OR2T33: variants seen among roughly 807,000 people sequenced by gnomAD.
OR2T33 encodes olfactory receptor 2T33.
Under a neutral mutation model 14.0 loss-of-function variants are expected in OR2T33, and 10 were observed. The observed-to-expected ratio is 0.72, with a 90% CI of 0.44 to 1.22. The LOEUF (loss-of-function observed/expected upper bound fraction) is 1.22, where lower values mean the gene tolerates loss of function less well. Ranked by LOEUF, OR2T33 falls within the 50% of genes most tolerant of loss-of-function variation. The pLI is 0.00. For synonymous variants in OR2T33, 103 were observed against 159.4 expected (o/e 0.65, Z 2.66); for missense variants, 276 against 405.9 (o/e 0.68, Z 2.75).
chr1:248,274,237 C>CT (rs557485349), intron 1 of OR2T33, among the ~76,000 whole-genome samples: 12 of 152,132 alleles, frequency 7.9e-5, no homozygotes, highest in Non-Finnish European at 1.5e-4. Context: ...TTATATTCAA[C>CT]TTTTGGAAAC....
Position 248,271,842 on chromosome 1 carries a change from C to A in OR2T33, c.*1010G>T, listed in dbSNP as rs1242919893. ...TATCCAGTCTCTGGTTACAATTTGGCTTTGATAACCACAGCTTTCTGCCAT... is the reference window on the plus strand; with the variant it reads ...TATCCAGTCTCTGGTTACAATTTGGATTTGATAACCACAGCTTTCTGCCAT... On this transcript the variant is annotated 3_prime_UTR_variant, in exon 2 of 2. Coordinates refer to ENST00000641220, the MANE Select transcript of OR2T33 (RefSeq NM_001004695.2). 2.6e-5 allele frequency: 4 copies of A among 152,148 alleles called. No homozygotes were observed. The highest frequency in any genetic ancestry group is 1.9e-4 in the East Asian group (1 of 5,202). The allele number at this position is 152,148 out of a possible 1,614,324, so 9.4% of individuals were successfully genotyped here.
Position 248,271,781 on chromosome 1 carries a change from A to G in OR2T33, c.*1071T>C, listed in dbSNP as rs1390507916. Reference sequence around the variant, plus strand: ...TAAGTGTGTTTTACATACAGGAAATATAGCCTTTATCATAAAACTCTCTAA... The same window carrying G: ...TAAGTGTGTTTTACATACAGGAAATGTAGCCTTTATCATAAAACTCTCTAA... On this transcript the variant is annotated 3_prime_UTR_variant, in exon 2 of 2. Transcript: ENST00000641220. The G allele has an allele frequency of 6.6e-6, 1 of 152,226 alleles. No individual in the cohort carries two copies. The highest frequency in any genetic ancestry group is 2.4e-5 in the African/African-American group (1 of 41,458). 9.4% of individuals were successfully genotyped at this position (152,226 alleles called of 1,614,324 possible). A position where few individuals can be genotyped will look rare whatever the true frequency, so the allele number is the denominator to read the frequency against.
Position 248,272,484 on chromosome 1 carries a change from T to C in OR2T33, c.*368A>G, listed in dbSNP as rs979638074. On this transcript the variant is annotated 3_prime_UTR_variant, in exon 2 of 2. Coordinates refer to ENST00000641220, the MANE Select transcript of OR2T33 (RefSeq NM_001004695.2). ...TACATTATTGAACAGAAATAAACTA[T>C]TCCAGGTTAAGGAACAAGCTCTGGA... 12 of 201,386 alleles carry C rather than the reference T, an allele frequency of 6.0e-5. No individual in the cohort carries two copies. Among genetic ancestry groups the C allele is most frequent in the African/African-American group, 2.8e-4 (12 of 42,546 alleles). 12.5% of individuals were successfully genotyped at this position (201,386 alleles called of 1,614,324 possible). A position where few individuals can be genotyped will look rare whatever the true frequency, so the allele number is the denominator to read the frequency against.
In OR2T33 at chr1:248,270,061, C is replaced by T. The variant is rs1659349714; in HGVS notation, c.*2791G>A. ...TGGACTGGATTAAGATAATGTGGCA[C>T]ATATATACCATGGAATACTATGCAG... On this transcript the variant is annotated 3_prime_UTR_variant, in exon 2 of 2. Transcript: ENST00000641220. 6.6e-6 allele frequency: 1 copy of T among 152,118 alleles called. No homozygotes were observed. Among genetic ancestry groups the T allele is most frequent in the Admixed American group, 6.6e-5 (1 of 15,260 alleles). The allele number at this position is 152,118 out of a possible 1,614,324, so 9.4% of individuals were successfully genotyped here. A position where few individuals can be genotyped will look rare whatever the true frequency, so the allele number is the denominator to read the frequency against.
rs1659391896 is a variant in OR2T33, at chr1:248,272,923, C to T, written c.892G>A (p.Ala298Thr). ...YSVKNSEVKGALKRWLGTCVN... is the reference protein window; with the variant it reads ...YSVKNSEVKGTLKRWLGTCVN... ...CACGTCCCCAGCCACCGTTTCAGGG[C>T]TCCCTTCACCTCACTGTTCTTCACA... Residue 298 changes from alanine to threonine, a missense_variant, in exon 2 of 2, where the codon GCC (alanine) becomes ACC (threonine). Ala to Thr is a moderately conservative substitution (Grantham distance 58). Transcript: ENST00000641220. 1.9e-6 allele frequency: 3 copies of T among 1,614,038 alleles called. No homozygotes were observed. Among genetic ancestry groups the T allele is most frequent in the Non-Finnish European group, 2.5e-6 (3 of 1,180,044 alleles).
rs1190980890 is a variant in OR2T33 at position 248,275,095 on chromosome 1, A to G, written c.-8-1273T>C. On this transcript the variant is annotated intron_variant, in intron 1 of 1. Transcript: ENST00000641220. ...GCTAATTTCCCACTTTTATTCATAGAATATTCGCAAATGTCATGCCTTTGT... is the reference window on the plus strand; with the variant it reads ...GCTAATTTCCCACTTTTATTCATAGGATATTCGCAAATGTCATGCCTTTGT... Among the ~76,000 whole-genome samples, 7 of 152,338 alleles carry G rather than the reference A, an allele frequency of 4.6e-5. No homozygotes were observed. In the South Asian group the frequency reaches 8.3e-4, roughly 18 times the overall value.
rs759210535 is a variant in OR2T33 at position 248,273,350 on chromosome 1, G to A, written c.465C>T (p.Leu155=). The A allele has an allele frequency of 8.7e-6, 14 of 1,612,024 alleles. No individual in the cohort carries two copies. In the South Asian group the frequency reaches 1.3e-4, roughly 15 times the overall value. Residue 155 remains leucine, a synonymous_variant, in exon 2 of 2, where the codon CTC becomes CTT. Transcript: ENST00000641220. ...SCWLLGAADG[L]LQAVVTLSFP... is the part of the protein sequence containing the mutation. ...AGCTCAGGGTAACAACAGCCTGCAG[G>A]AGCCCGTCAGCTGCACCCAGGAGCC... is the stretch of plus-strand genomic sequence containing the variant.
Position 248,270,000 on chromosome 1 carries a change from C to G in OR2T33, c.*2852G>C, listed in dbSNP as rs1423988086. On this transcript the variant is annotated 3_prime_UTR_variant, in exon 2 of 2. Transcript: ENST00000641220. ...TTTATTGAGGCAGTATTCACAACAGCAAAGACTTGGAACCAACACAAATTT... is the reference window on the plus strand; with the variant it reads ...TTTATTGAGGCAGTATTCACAACAGGAAAGACTTGGAACCAACACAAATTT... 1 of 152,120 alleles carries G rather than the reference C, an allele frequency of 6.6e-6. No homozygotes were observed. 9.4% of individuals were successfully genotyped at this position (152,120 alleles called of 1,614,324 possible). A position where few individuals can be genotyped will look rare whatever the true frequency, so the allele number is the denominator to read the frequency against.
Position 248,271,088 on chromosome 1 carries a change from C to A in OR2T33, c.*1764G>T, listed in dbSNP as rs1338226589. The A allele has an allele frequency of 2.0e-5, 3 of 152,106 alleles. No individual in the cohort carries two copies. The highest frequency in any genetic ancestry group is 4.4e-5 in the Non-Finnish European group (3 of 68,020). 9.4% of individuals were successfully genotyped at this position (152,106 alleles called of 1,614,324 possible). A position where few individuals can be genotyped will look rare whatever the true frequency, so the allele number is the denominator to read the frequency against. ...ATTTTAAAATGACATAAAGATACCA[C>A]CACTAGAAGGGTTAAAATTAAAAAT... On this transcript the variant is annotated 3_prime_UTR_variant, in exon 2 of 2. Coordinates refer to ENST00000641220, the MANE Select transcript of OR2T33 (RefSeq NM_001004695.2).
intron 1 of OR2T33, among the ~76,000 whole-genome samples, chr1:248,274,094 A>T (rs1659422595): frequency 6.6e-6 from 1 of 152,140 alleles, no homozygotes; most frequent in Non-Finnish European, 1.5e-5. Context: ...AACTCTCAAG[A>T]ATTAGTGGTA....
chr1:248,275,503 A>G (rs1397256749), intron 1 of OR2T33, among the ~76,000 whole-genome samples: 2 of 152,182 alleles, frequency 1.3e-5, no homozygotes, highest in African/African-American at 4.8e-5. Flanking sequence ...ACAGGCTTCC[A>G]CTGCCTCCAT....
rs1659382398 is a variant in OR2T33 at position 248,272,334 on chromosome 1, G to T, written c.*518C>A. 1 of 152,514 alleles carries T rather than the reference G, an allele frequency of 6.6e-6. No homozygotes were observed. The highest frequency in any genetic ancestry group is 1.5e-5 in the Non-Finnish European group (1 of 68,348). The allele number at this position is 152,514 out of a possible 1,614,324, so 9.4% of individuals were successfully genotyped here. On this transcript the variant is annotated 3_prime_UTR_variant, in exon 2 of 2. Transcript: ENST00000641220. ...AATATAGCAGTTACATTTGAGTTGT[G>T]GACTTTCCCTTTTGTCATGCATCTA... is the stretch of plus-strand genomic sequence containing the variant.
rs773123240 is a variant in OR2T33 at position 248,273,339 on chromosome 1, A to G, written c.476T>C (p.Val159Ala). ...LGAADGLLQA[V>A]VTLSFPYCGA... ...ACAATATGGGAAGCTCAGGGTAACAACAGCCTGCAGGAGCCCGTCAGCTGC... is the reference window on the plus strand; with the variant it reads ...ACAATATGGGAAGCTCAGGGTAACAGCAGCCTGCAGGAGCCCGTCAGCTGC... Residue 159 changes from valine to alanine, a missense_variant, in exon 2 of 2, where the codon GTT (valine) becomes GCT (alanine). Val to Ala is a moderately conservative substitution (Grantham distance 64, BLOSUM62 0). Coordinates refer to ENST00000641220, the MANE Select transcript of OR2T33 (RefSeq NM_001004695.2). 2.5e-6 allele frequency: 4 copies of G among 1,612,016 alleles called. No homozygotes were observed. Among genetic ancestry groups the G allele is most frequent in the Non-Finnish European group, 3.4e-6 (4 of 1,179,874 alleles).
chr1:248,273,911 G>A (rs1572822185), intron 1 of OR2T33, 89 bp from the exon 2 acceptor site: 4 of 1,494,102 alleles, frequency 2.7e-6, no homozygotes, highest in East Asian at 2.3e-5. Context: ...CCGGACATAC[G>A]TACTGGGTAT....
At position 248,273,168 on chromosome 1, in the gene OR2T33, T is replaced by C. The variant is rs1300783273; in HGVS notation, c.647A>G (p.Tyr216Cys). Residue 216 changes from tyrosine (Y) to cysteine (C), a missense_variant, in exon 2 of 2, where the codon TAT (tyrosine) becomes TGT (cysteine). Transcript: ENST00000641220. The part of the protein sequence containing the change: ...LVPFSLILSS[Y>C]GLILAAVLHM... ...CAGAACAGCAGCGAGGATGAGACCA[T>C]AGGAGGACAGGATGAGGGAAAAGGG... is the stretch of plus-strand genomic sequence containing the variant. 8.1e-6 allele frequency: 13 copies of C among 1,609,468 alleles called. No individual in the cohort carries two copies. The highest frequency in any genetic ancestry group is 1.7e-5 in the Admixed American group (1 of 59,762).
In OR2T33 at chr1:248,272,874, T is replaced by C. The variant is rs1472726932; in HGVS notation, c.941A>G (p.Asn314Ser). 6.2e-7 allele frequency: 1 copy of C among 1,613,014 alleles called. No individual in the cohort carries two copies. The highest frequency in any genetic ancestry group is 8.5e-7 in the Non-Finnish European group (1 of 1,179,568). ...GTCVNIKHQQ[N>S]EAHRSR ...AGATCATCTTGACCTGTGGGCCTCA[T>C]TTTGCTGGTGTTTTATGTTTACACA... The change falls in exon 2 of 2, where the codon AAT becomes AGT. Residue 314 changes from asparagine to serine, a missense_variant. Coordinates refer to ENST00000641220, the MANE Select transcript of OR2T33 (RefSeq NM_001004695.2).
chr1:248,273,626 T>C lies in OR2T33; in HGVS notation c.189A>G (p.Gln63=), dbSNP rs766090101. 1.7e-5 allele frequency: 28 copies of C among 1,613,724 alleles called. No homozygotes were observed. The highest frequency in any genetic ancestry group is 2.3e-5 in the Non-Finnish European group (27 of 1,179,856). ...CCAGCATCATGTCCATGAGGGAAAG[T>C]TGGCTCAGGAGGAAGTACATGGGCG... ...LHTPMYFLLS[Q]LSLMDMMLVS... Residue 63 remains glutamine, a synonymous_variant, in exon 2 of 2, where the codon CAA becomes CAG. Transcript: ENST00000641220.
rs547815462 is a variant in OR2T33, at chr1:248,275,267, C to T, written c.-8-1445G>A. 1.3e-4 allele frequency among the ~76,000 whole-genome samples: 20 copies of T among 152,246 alleles called. No individual in the cohort carries two copies. The South Asian group carries it at 2.7e-3, about 21-fold the overall frequency. On this transcript the variant is annotated intron_variant, in intron 1 of 1. Transcript: ENST00000641220. ...AGACACAAACACACAGTAACACCAG[C>T]GTCTTTGAGATGGCTTATTTAAGCA... is the stretch of plus-strand genomic sequence containing the variant.
At position 248,270,797 on chromosome 1, in the gene OR2T33, C is replaced by A. The variant is rs1659360686; in HGVS notation, c.*2055G>T. On this transcript the variant is annotated 3_prime_UTR_variant, in exon 2 of 2. Coordinates refer to ENST00000641220, the MANE Select transcript of OR2T33 (RefSeq NM_001004695.2). ...AAACAAAATTATATATTGGACTTTA[C>A]AAAAATCAAAATCTCTGCTCTGAAA... The A allele has an allele frequency of 6.6e-6, 1 of 151,966 alleles. No individual in the cohort carries two copies. The highest frequency in any genetic ancestry group is 1.5e-5 in the Non-Finnish European group (1 of 67,988). The allele number at this position is 151,966 out of a possible 1,614,324, so 9.4% of individuals were successfully genotyped here.
Sources: gnomAD v4.1 joint callset for allele counts (sites outside exome capture counted in the v4.1 genomes callset) on GRCh38, gnomAD v4.1.1 for gene constraint, MANE v1.5 for transcripts, NCBI Gene and HGNC (gene_info 2026-07-23, HGNC 2026-07-21) for gene names.